Variants in GADL1 observed in about 807,000 individuals in gnomAD.
GADL1 encodes acidic amino acid decarboxylase GADL1.
GADL1 carries 71 observed loss-of-function variants against 69.5 expected under a neutral mutation model. The observed-to-expected ratio is 1.02, with a 90% CI of 0.84 to 1.25. GADL1 has a LOEUF of 1.25. Ranked by LOEUF, GADL1 falls within the 50% of genes most tolerant of loss-of-function variation. GADL1 has a pLI of 0.00. For synonymous variants in GADL1, 254 were observed against 214.4 expected (o/e 1.18, Z -1.62); for missense variants, 737 against 631.8 (o/e 1.17, Z -1.79).
At chr3:30,729,693 A>G (rs1378867354) in intron 14 of GADL1, among the ~76,000 whole-genome samples, 1 of 152,204 alleles carries the variant, frequency 6.6e-6, no homozygotes, top group Non-Finnish European at 1.5e-5. Context: ...AGCTGATGAA[A>G]AAATTGGGTG....
chr3:30,735,278 A>G (rs573462126), intron 14 of GADL1, among the ~76,000 whole-genome samples: 1 of 152,318 alleles, frequency 6.6e-6, no homozygotes, highest in South Asian at 2.1e-4. Context: ...GCCAAATCGA[A>G]TGAAATCATT....
chr3:30,729,676 G>A (rs1695425702), intron 14 of GADL1, among the ~76,000 whole-genome samples: 1 of 152,146 alleles, frequency 6.6e-6, no homozygotes. Context: ...ATCTTGATCT[G>A]TTCCAAAGCT....
chr3:30,766,016 G>T (rs1696267381), intron 14 of GADL1, among the ~76,000 whole-genome samples: 1 of 152,104 alleles, frequency 6.6e-6, no homozygotes, highest in East Asian at 1.9e-4. Flanking sequence ...AATAAGTCTT[G>T]GGAAAGCTGA....
intron 14 of GADL1, among the ~76,000 whole-genome samples, chr3:30,769,019 A>G (rs1231412649): frequency 6.6e-6 from 1 of 152,190 alleles, no homozygotes; most frequent in East Asian, 1.9e-4. Flanking sequence ...AACTGCATCA[A>G]GTCCAGAGCA....
Position 30,850,820 on chromosome 3 carries a change from AC to A in GADL1, c.535+14del. ...TTGTATTGGAAGGTTGATATCAATA[AC>A]TAATTGTACTCACCTGGGTTAAATA... is the stretch of plus-strand genomic sequence containing the variant. On this transcript the variant is annotated intron_variant, in intron 5 of 14. Transcript: ENST00000282538. 2 of 1,436,014 alleles carry A rather than the reference AC, an allele frequency of 1.4e-6. No individual in the cohort carries two copies. Among genetic ancestry groups the A allele is most frequent in the Non-Finnish European group, 1.9e-6 (2 of 1,042,500 alleles). 89.0% of individuals were successfully genotyped at this position (1,436,014 alleles called of 1,614,324 possible). A position where few individuals can be genotyped will look rare whatever the true frequency, so the allele number is the denominator to read the frequency against.
At chr3:30,805,746 T>A (rs1252451521) in intron 11 of GADL1, among the ~76,000 whole-genome samples, 1 of 140,192 alleles carries the variant, frequency 7.1e-6, no homozygotes, top group Non-Finnish European at 1.6e-5. Context: ...TTTTTTTTTT[T>A]TTTTTTTTTT....
intron 14 of GADL1, 71 bp from the exon 15 acceptor site, chr3:30,728,486 G>A: frequency 1.6e-6 from 2 of 1,278,704 alleles, no homozygotes; most frequent in Non-Finnish European, 2.2e-6. Flanking sequence ...ATTTTCACCA[G>A]CCATTGGACA....
intron 12 of GADL1, among the ~76,000 whole-genome samples, chr3:30,793,935 T>A (rs1325465381): frequency 6.6e-6 from 1 of 152,244 alleles, no homozygotes; most frequent in African/African-American, 2.4e-5. Context: ...CCGTATGCTC[T>A]GCATAGATCA....
intron 14 of GADL1, among the ~76,000 whole-genome samples, chr3:30,746,854 T>C (rs901852397): frequency 3.3e-5 from 5 of 152,170 alleles, no homozygotes; most frequent in South Asian, 2.1e-4. Context: ...ATAAATTCAA[T>C]GTTGTATTTT....
chr3:30,796,343 C>A (rs1041221655), intron 12 of GADL1, among the ~76,000 whole-genome samples: 1 of 152,148 alleles, frequency 6.6e-6, no homozygotes, highest in African/African-American at 2.4e-5. Flanking sequence ...TATCTCCCCA[C>A]TTCTAATAGA....
chr3:30,867,423 C>CATATATATATATATATAT (rs148660336), intron 1 of GADL1, among the ~76,000 whole-genome samples: 52 of 115,090 alleles, frequency 4.5e-4, no homozygotes, highest in African/African-American at 1.3e-3. Flanking sequence ...TACAATACTA[C>CATATATATATATATATAT]ATATATATAT....
intron 10 of GADL1, 106 bp downstream of exon 10, chr3:30,834,111 A>C (rs1697834381): frequency 9.4e-7 from 1 of 1,064,552 alleles, no homozygotes; most frequent in Non-Finnish European, 1.4e-6. Flanking sequence ...TTGTTTATTT[A>C]AGGAAAACAA....
intron 9 of GADL1, among the ~76,000 whole-genome samples, chr3:30,837,513 G>C (rs1697893383): frequency 6.6e-6 from 1 of 152,108 alleles, no homozygotes; most frequent in Non-Finnish European, 1.5e-5. Flanking sequence ...TAGAAAACCT[G>C]AAGAGCTTTT....
chr3:30,885,360 T>G (rs1698689224), intron 1 of GADL1, among the ~76,000 whole-genome samples: 1 of 152,142 alleles, frequency 6.6e-6, no homozygotes, highest in African/African-American at 2.4e-5. Context: ...GTAAGAATTT[T>G]TTAAACAATA....
At chr3:30,765,067 C>A (rs1696238149) in intron 14 of GADL1, among the ~76,000 whole-genome samples, 1 of 152,116 alleles carries the variant, frequency 6.6e-6, no homozygotes, top group Non-Finnish European at 1.5e-5. Context: ...ATTTGACCAG[C>A]AGAACCAAAA....
chr3:30,807,597 G>C (rs969884664), intron 11 of GADL1, among the ~76,000 whole-genome samples: 4 of 152,196 alleles, frequency 2.6e-5, no homozygotes, highest in African/African-American at 9.7e-5. Flanking sequence ...AGGGATGCTA[G>C]GTGGACTTGA....
intron 1 of GADL1, among the ~76,000 whole-genome samples, chr3:30,890,675 TG>T (rs1182511220): frequency 6.6e-6 from 1 of 152,160 alleles, no homozygotes; most frequent in African/African-American, 2.4e-5. Context: ...GTATAGAGTG[TG>T]GGGTAATCAT....
chr3:30,855,463 A>G (rs1698214898), intron 3 of GADL1, among the ~76,000 whole-genome samples: 1 of 151,948 alleles, frequency 6.6e-6, no homozygotes, highest in South Asian at 2.1e-4. Flanking sequence ...CAGCCTTTTC[A>G]TTTTTCAGAT....
intron 11 of GADL1, among the ~76,000 whole-genome samples, chr3:30,817,184 A>G (rs965189459): frequency 9.9e-5 from 15 of 152,176 alleles, no homozygotes; most frequent in African/African-American, 3.6e-4. Flanking sequence ...ATTATGATAA[A>G]TGTCCTGAAT....
Sources: gnomAD v4.1 joint callset for allele counts (sites outside exome capture counted in the v4.1 genomes callset) on GRCh38, gnomAD v4.1.1 for gene constraint, MANE v1.5 for transcripts, NCBI Gene and HGNC (gene_info 2026-07-23, HGNC 2026-07-21) for gene names.